The following RERE variants were observed in gnomAD, a reference collection of about 807,000 sequenced individuals.
RERE encodes the protein arginine-glutamic acid dipeptide repeats protein.
In RERE, 40 loss-of-function variants were observed where a neutral mutation model predicts 146.1. The observed-to-expected ratio is 0.27, with a 90% CI of 0.21 to 0.36. RERE has a LOEUF of 0.36. Among genes scored for constraint, RERE ranks in the 10% least tolerant of loss-of-function variants. RERE has a pLI of 1.00. For synonymous variants in RERE, 1,003 were observed against 866.0 expected (o/e 1.16, Z -2.78); for missense variants, 1,933 against 2,138.7 (o/e 0.90, Z 1.90).
rs1272255311 is a variant in RERE, at chr1:8,358,599, C to A, written c.3936G>T (p.Arg1312=). 1 of 1,600,728 alleles carries A rather than the reference C, an allele frequency of 6.2e-7. No homozygotes were observed. Among genetic ancestry groups the A allele is most frequent in the Non-Finnish European group, 8.5e-7 (1 of 1,173,816 alleles). Residue 1312 remains arginine (R), a synonymous_variant, in exon 20 of 23, where the codon CGG becomes CGT. Transcript: ENST00000400908. ...CCCGCAGCTCCCGCTCTCGGATCTC[C>A]CGCTCTCGGATCTCCCGCTCCCGGA... ...RELREREIRE[R]EIRERELRER...
At chr1:8,654,202 A>G (rs558369148) in intron 2 of RERE, among the ~76,000 whole-genome samples, 1 of 151,904 alleles carries the variant, frequency 6.6e-6, no homozygotes, top group East Asian at 1.9e-4. Context: ...ACTCCCAGCT[A>G]ATTTTTTACT....
intron 4 of RERE, among the ~76,000 whole-genome samples, chr1:8,572,211 A>G (rs1179036709): frequency 6.6e-6 from 1 of 152,198 alleles, no homozygotes; most frequent in Non-Finnish European, 1.5e-5. Context: ...TGTAACCTCC[A>G]CCAAAATCAA....
chr1:8,407,795 G>A (rs1421230088), intron 12 of RERE, among the ~76,000 whole-genome samples: 1 of 151,918 alleles, frequency 6.6e-6, no homozygotes, highest in Non-Finnish European at 1.5e-5. Flanking sequence ...TTTTAAAGCT[G>A]CAGCCACTTC....
intron 7 of RERE, among the ~76,000 whole-genome samples, 163 bp from the exon 8 acceptor site, chr1:8,508,838 C>G (rs1443727929): frequency 2.0e-5 from 3 of 152,202 alleles, no homozygotes; most frequent in Admixed American, 1.3e-4. Context: ...CACCACCCAC[C>G]ACCACACATG....
At chr1:8,769,472 T>C (rs1640905102) in intron 1 of RERE, among the ~76,000 whole-genome samples, 1 of 152,164 alleles carries the variant, frequency 6.6e-6, no homozygotes, top group African/African-American at 2.4e-5. Flanking sequence ...ATAAAGGATG[T>C]AAAACACATC....
At chr1:8,670,120 G>A (rs6695224) in intron 1 of RERE, among the ~76,000 whole-genome samples, 2,316 of 152,238 alleles carry the variant, frequency 0.015, 60 homozygotes, top group African/African-American at 0.053. Flanking sequence ...CATTCTAACT[G>A]GGTGTGATTC....
intron 6 of RERE, among the ~76,000 whole-genome samples, chr1:8,553,766 G>C (rs186176482): frequency 5.1e-4 from 77 of 152,330 alleles, no homozygotes; most frequent in African/African-American, 1.8e-3. Flanking sequence ...CCAGTGAAAG[G>C]ACAGTGACTT....
At chr1:8,450,205 G>T (rs1429136108) in intron 11 of RERE, among the ~76,000 whole-genome samples, 2 of 151,938 alleles carry the variant, frequency 1.3e-5, no homozygotes, top group East Asian at 1.9e-4. Flanking sequence ...TTGAATCTGC[G>T]ATCTTAGTCT....
chr1:8,782,725 G>A (rs1346206525), intron 1 of RERE, among the ~76,000 whole-genome samples: 1 of 89,758 alleles, frequency 1.1e-5, no homozygotes. Flanking sequence ...GGCCAAAATG[G>A]TGAAATCCTG....
intron 1 of RERE, among the ~76,000 whole-genome samples, chr1:8,676,815 T>C (rs896066882): frequency 6.6e-6 from 1 of 152,212 alleles, no homozygotes; most frequent in African/African-American, 2.4e-5. Context: ...TCTGTGAATC[T>C]TTTTCTCCAT....
intron 7 of RERE, among the ~76,000 whole-genome samples, chr1:8,510,560 T>A (rs566783350): frequency 6.6e-6 from 1 of 152,330 alleles, no homozygotes; most frequent in East Asian, 1.9e-4. Context: ...AGGAATCAAA[T>A]CAGCCACAAG....
chr1:8,579,883 A>T (rs548761419), intron 4 of RERE, among the ~76,000 whole-genome samples: 5 of 152,220 alleles, frequency 3.3e-5, no homozygotes, highest in African/African-American at 1.2e-4. Context: ...GCATGCCTGT[A>T]ATCCCAGCTA....
intron 8 of RERE, among the ~76,000 whole-genome samples, chr1:8,501,255 G>A (rs1427187555): frequency 2.2e-5 from 3 of 138,812 alleles, no homozygotes; most frequent in East Asian, 4.5e-4. Flanking sequence ...GGGAGGTGAG[G>A]GGCGCCTCTG....
chr1:8,500,529 T>C (rs1333639034), intron 8 of RERE, among the ~76,000 whole-genome samples: 1 of 152,220 alleles, frequency 6.6e-6, no homozygotes, highest in Non-Finnish European at 1.5e-5. Flanking sequence ...GTGCCCAGGC[T>C]GGAGTGCAGT....
Position 8,613,396 on chromosome 1 carries a change from A to C in RERE, c.522+1165T>G, listed in dbSNP as rs982801783. ...CACAACTCCCAGACTCGTCAGCCTC[A>C]CTGCCTGCGTTGCTTATAAGGACAG... On this transcript the variant is annotated intron_variant, in intron 4 of 22. Transcript: ENST00000400908. Among the ~76,000 whole-genome samples, 50 of 152,012 alleles carry C rather than the reference A, an allele frequency of 3.3e-4. 1 individual carries two copies. The highest frequency in any genetic ancestry group is 1.3e-4 in the Admixed American group (2 of 15,258).
intron 1 of RERE, among the ~76,000 whole-genome samples, chr1:8,754,650 T>C (rs1640600881): frequency 6.6e-6 from 1 of 152,198 alleles, no homozygotes; most frequent in Non-Finnish European, 1.5e-5. Context: ...GGAAAGAATC[T>C]ATGGTTCTCC....
chr1:8,638,836 T>A (rs910137615), intron 2 of RERE, among the ~76,000 whole-genome samples: 2 of 140,346 alleles, frequency 1.4e-5, no homozygotes, highest in African/African-American at 5.5e-5. Flanking sequence ...TCGCCTAGGC[T>A]GGAGTGCAGT....
intron 4 of RERE, among the ~76,000 whole-genome samples, chr1:8,581,254 T>G (rs534615445): frequency 9.2e-5 from 14 of 152,234 alleles, no homozygotes; most frequent in Non-Finnish European, 1.9e-4. Context: ...TGGGCACTTT[T>G]TCATGGGCTT....
chr1:8,677,837 T>C (rs913486189), intron 1 of RERE, among the ~76,000 whole-genome samples: 2 of 152,216 alleles, frequency 1.3e-5, no homozygotes, highest in African/African-American at 4.8e-5. Flanking sequence ...AGATGCTCAA[T>C]AAACCTCAAC....
Sources: gnomAD v4.1 joint callset for allele counts (sites outside exome capture counted in the v4.1 genomes callset) on GRCh38, gnomAD v4.1.1 for gene constraint, MANE v1.5 for transcripts, NCBI Gene and HGNC (gene_info 2026-07-23, HGNC 2026-07-21) for gene names.